FNTB: variants seen among roughly 807,000 people sequenced by gnomAD.
FNTB encodes farnesyltransferase, CAAX box, subunit beta.
A neutral mutation model predicts 59.4 loss-of-function variants in FNTB; 27 were observed. That is an observed-to-expected ratio of 0.45 (90% CI 0.34 to 0.63). The LOEUF (loss-of-function observed/expected upper bound fraction) is 0.63, where lower values mean the gene tolerates loss of function less well. Ranked by LOEUF, FNTB falls within the 20% of genes least tolerant of loss-of-function variation. FNTB has a pLI of 0.02. For missense variants in FNTB, 449 were observed against 559.6 expected (o/e 0.80, Z 1.99); for synonymous variants, 230 against 220.7 (o/e 1.04, Z -0.37).
intron 7 of FNTB, among the ~76,000 whole-genome samples, chr14:65,037,649 T>G (rs1273243277): frequency 6.7e-6 from 1 of 149,882 alleles, no homozygotes; most frequent in East Asian, 1.9e-4. Context: ...GGTCTCAAAC[T>G]CCTGGGCTGA....
intron 4 of FNTB, among the ~76,000 whole-genome samples, chr14:65,025,191 T>C (rs569582836): frequency 1.3e-5 from 2 of 152,282 alleles, no homozygotes; most frequent in African/African-American, 4.8e-5. Flanking sequence ...GGAGGGATGG[T>C]ATCAAGGTGT....
At chr14:64,987,122 C>G (rs754004557) in intron 1 of FNTB, 25 bp downstream of exon 1, 1 of 1,613,434 alleles carries the variant, frequency 6.2e-7, no homozygotes, top group Admixed American at 1.7e-5. Context: ...CTGGGCGAGG[C>G]GCCCGCGCGA....
intron 10 of FNTB, among the ~76,000 whole-genome samples, chr14:65,053,800 C>G (rs888837231): frequency 2.6e-4 from 39 of 152,280 alleles, no homozygotes; most frequent in Middle Eastern, 3.4e-3. Context: ...TAAGTCCTCT[C>G]ACCTTTGTTA....
Position 65,044,409 on chromosome 14 carries a change from C to T in FNTB, c.921C>T (p.Leu307=). Residue 307 remains leucine, a synonymous_variant, in exon 9 of 12, where the codon CTC becomes CTT. Transcript: ENST00000246166. The surrounding 1 kb of genome is among the most constrained non-coding windows in gnomAD (Gnocchi z 5.5). ...DGCYSFWQAG[L]LPLLHRALHA... ...GCTACTCCTTCTGGCAGGCGGGGCT[C>T]CTGCCCCTGCTCCACCGCGCACTGC... The T allele has an allele frequency of 6.2e-7, 1 of 1,613,228 alleles. No homozygotes were observed. Among genetic ancestry groups the T allele is most frequent in the Non-Finnish European group, 8.5e-7 (1 of 1,179,692 alleles).
rs940320294 is a variant in FNTB at position 65,012,037 on chromosome 14, G to A, written c.210-280G>A. On this transcript the variant is annotated intron_variant, in intron 2 of 11. Transcript: ENST00000246166. This position sits in a 1 kb window ranked among gnomAD's most constrained non-coding sequence, Gnocchi z 5.0. ...TTGCCTGGCTGCGTGTGCTCATTGCGGCTTTTCCGTTAGCCCAAAGTCACT... is the reference window on the plus strand; with the variant it reads ...TTGCCTGGCTGCGTGTGCTCATTGCAGCTTTTCCGTTAGCCCAAAGTCACT... The A allele has an allele frequency of 3.1e-5, 11 of 350,556 alleles. No individual in the cohort carries two copies. Among genetic ancestry groups the A allele is most frequent in the South Asian group, 1.2e-4 (4 of 32,076 alleles). The allele number at this position is 350,556 out of a possible 1,614,324, so 21.7% of individuals were successfully genotyped here. A position where few individuals can be genotyped will look rare whatever the true frequency, so the allele number is the denominator to read the frequency against.
At chr14:64,987,362 A>G (rs902390554) in intron 1 of FNTB, 18 of 541,860 alleles carry the variant, frequency 3.3e-5, no homozygotes, top group Non-Finnish European at 5.3e-5. Flanking sequence ...AAAGAACGAG[A>G]AGAATCGTGT....
chr14:65,027,281 G>C lies in FNTB; in HGVS notation c.375-172G>C, dbSNP rs1229902614. 1.0e-6 allele frequency: 1 copy of C among 988,474 alleles called. No individual in the cohort carries two copies. The highest frequency in any genetic ancestry group is 1.5e-6 in the Non-Finnish European group (1 of 678,922). The allele number at this position is 988,474 out of a possible 1,614,324, so 61.2% of individuals were successfully genotyped here. On this transcript the variant is annotated intron_variant, in intron 4 of 11. Coordinates refer to ENST00000246166, the MANE Select transcript of FNTB (RefSeq NM_002028.4). The surrounding 1 kb of genome is among the most constrained non-coding windows in gnomAD (Gnocchi z 5.7). ...GCAGACAGAAATGATGATAGCTGGA[G>C]AGAGAATTAAGCCCTTTGGGGAGAG...
At chr14:65,037,751 T>C (rs1285895284) in intron 7 of FNTB, among the ~76,000 whole-genome samples, 3 of 106,866 alleles carry the variant, frequency 2.8e-5, no homozygotes, top group Non-Finnish European at 5.7e-5. Context: ...ATTATTTATT[T>C]ATTTATTTAT....
rs761928445 is a variant in FNTB at position 65,027,771 on chromosome 14, G to A, written c.595G>A (p.Val199Met). 1 of 1,614,138 alleles carries A rather than the reference G, an allele frequency of 6.2e-7. No homozygotes were observed. Among genetic ancestry groups the A allele is most frequent in the Non-Finnish European group, 8.5e-7 (1 of 1,180,028 alleles). ...GSFLMHVGGE[V>M]DVRSAYCAAS... ...CTTTCTCATGCATGTCGGAGGTGAG[G>A]TGGATGTGAGGTGAGTGGGGTTTTG... The change falls in exon 6 of 12, where the codon GTG (valine) becomes ATG (methionine). Residue 199 changes from valine to methionine, a missense_variant. By Grantham distance (21) the Val-to-Met change is conservative. Around this residue, in one of 2 missense-constraint regions of FNTB, gnomAD observed 337 missense variants for 479.1 expected, o/e 0.70. Transcript: ENST00000246166. The surrounding 1 kb of genome is among the most constrained non-coding windows in gnomAD (Gnocchi z 5.7).
intron 4 of FNTB, among the ~76,000 whole-genome samples, chr14:65,017,904 G>A (rs1369999061): frequency 6.6e-6 from 1 of 152,054 alleles, no homozygotes; most frequent in African/African-American, 2.4e-5. Context: ...GCAGTGAGTC[G>A]AGATTGCGCC....
rs1168421721 is a variant in FNTB, at chr14:65,029,719, G to A, written c.605+1938G>A. ...GTGTTGAAGTGTAGATGGCCTGGTGGGCAGGGGAGCAGTGGAGCTGGAGGG... is the reference window on the plus strand; with the variant it reads ...GTGTTGAAGTGTAGATGGCCTGGTGAGCAGGGGAGCAGTGGAGCTGGAGGG... On this transcript the variant is annotated intron_variant, in intron 6 of 11. Coordinates refer to ENST00000246166, the MANE Select transcript of FNTB (RefSeq NM_002028.4). The surrounding 1 kb of genome is among the most constrained non-coding windows in gnomAD (Gnocchi z 4.7). Among the ~76,000 whole-genome samples, 2 of 150,914 alleles carry A rather than the reference G, an allele frequency of 1.3e-5. No homozygotes were observed. Among genetic ancestry groups the A allele is most frequent in the African/African-American group, 4.9e-5 (2 of 40,936 alleles).
intron 2 of FNTB, among the ~76,000 whole-genome samples, chr14:65,005,552 C>T (rs1456906854): frequency 6.7e-6 from 1 of 149,074 alleles, no homozygotes; most frequent in East Asian, 2.0e-4. Flanking sequence ...TCTCCTCTCT[C>T]TTTCTCTCTC....
At chr14:65,043,420 G>T (rs942457081) in intron 8 of FNTB, among the ~76,000 whole-genome samples, 1 of 152,194 alleles carries the variant, frequency 6.6e-6, no homozygotes, top group African/African-American at 2.4e-5. Context: ...TTGGTAATTA[G>T]AATGAATGGC....
At chr14:65,050,906 C>T (rs2062591955) in intron 9 of FNTB, among the ~76,000 whole-genome samples, 1 of 152,150 alleles carries the variant, frequency 6.6e-6, no homozygotes, top group African/African-American at 2.4e-5. Flanking sequence ...GTCCAGCATT[C>T]CTCATAATGG....
At chr14:64,989,851 A>G (rs1174405245) in intron 1 of FNTB, among the ~76,000 whole-genome samples, 1 of 152,246 alleles carries the variant, frequency 6.6e-6, no homozygotes, top group Non-Finnish European at 1.5e-5. Context: ...ATCTATAGCT[A>G]TCTCAATATA....
rs753247051 is a variant in FNTB, at chr14:65,009,115, A to C, written c.210-3202A>C. ...TACCTTTTCTTTCTTAACTTCCTAC[A>C]CAGAAAAGATTTTTGGATAGAGGTG... is the stretch of plus-strand genomic sequence containing the variant. On this transcript the variant is annotated intron_variant, in intron 2 of 11. Transcript: ENST00000246166. This position sits in a 1 kb window ranked among gnomAD's most constrained non-coding sequence, Gnocchi z 4.2. Among the ~76,000 whole-genome samples, 1 of 152,162 alleles carries C rather than the reference A, an allele frequency of 6.6e-6. No homozygotes were observed. The highest frequency in any genetic ancestry group is 1.5e-5 in the Non-Finnish European group (1 of 68,024).
chr14:65,040,581 CACATGGG>C (rs889169606), intron 7 of FNTB, among the ~76,000 whole-genome samples: 9 of 149,854 alleles, frequency 6.0e-5, no homozygotes, highest in African/African-American at 2.0e-4. Flanking sequence ...GCTGGGATTA[CACATGGG>C]TGCCACCAGG....
At chr14:65,053,378 G>A in intron 10 of FNTB, 29 bp downstream of exon 10, 1 of 1,382,744 alleles carries the variant, frequency 7.2e-7, no homozygotes, top group Non-Finnish European at 9.5e-7. Context: ...GGGAGGGAAG[G>A]GAGAGGGGAG....
At chr14:65,052,566 T>C (rs567645229) in intron 9 of FNTB, among the ~76,000 whole-genome samples, 1 of 152,352 alleles carries the variant, frequency 6.6e-6, no homozygotes, top group Non-Finnish European at 1.5e-5. Context: ...CACAGAATTC[T>C]TTGACCATAG....
Sources: gnomAD v4.1 joint callset for allele counts (sites outside exome capture counted in the v4.1 genomes callset) on GRCh38, gnomAD v4.1.1 for gene constraint, gnomAD v4.1.1 regional missense constraint, Gnocchi (gnomAD v3.1) non-coding constraint, MANE v1.5 for transcripts, NCBI Gene and HGNC (gene_info 2026-07-23, HGNC 2026-07-21) for gene names.